Variants in GAB1 observed in about 807,000 individuals in gnomAD.
GAB1 encodes GRB2 associated binding protein 1.
Under a neutral mutation model 66.5 loss-of-function variants are expected in GAB1, and 19 were observed. The observed-to-expected ratio is 0.29, with a 90% CI of 0.20 to 0.42. The LOEUF (loss-of-function observed/expected upper bound fraction) is 0.42. Among genes scored for constraint, GAB1 ranks in the 10% least tolerant of loss-of-function variants. The probability of loss-of-function intolerance (pLI) is 1.00; values close to 1 mark genes in which losing one functional copy is unlikely to be tolerated. For missense variants in GAB1, 732 were observed against 858.5 expected, an observed-to-expected ratio of 0.85 and a Z score of 1.84; for synonymous variants, 294 against 301.4, an observed-to-expected ratio of 0.98 and a Z score of 0.25.
chr4:143,449,212 A>G (rs904645238), intron 6 of GAB1, among the ~76,000 whole-genome samples: 14 of 150,636 alleles, frequency 9.3e-5, no homozygotes, highest in African/African-American at 3.5e-4. Flanking sequence ...ACTTCCAACT[A>G]TGTGGTCAAT....
chr4:143,374,852 G>A (rs1044681934), intron 1 of GAB1, among the ~76,000 whole-genome samples: 1 of 152,148 alleles, frequency 6.6e-6, no homozygotes, highest in Non-Finnish European at 1.5e-5. Flanking sequence ...TTATTGCTTT[G>A]ACATCTGGCC....
At chr4:143,388,886 A>G (rs1400826104) in intron 1 of GAB1, among the ~76,000 whole-genome samples, 1 of 152,228 alleles carries the variant, frequency 6.6e-6, no homozygotes, top group Non-Finnish European at 1.5e-5. Context: ...TTCCTTGAAA[A>G]GCCAAGGCTG....
intron 1 of GAB1, among the ~76,000 whole-genome samples, chr4:143,356,556 G>A (rs1350369052): frequency 6.6e-6 from 1 of 152,092 alleles, no homozygotes; most frequent in Non-Finnish European, 1.5e-5. Context: ...GTATGCATTT[G>A]AGCAAAGCCC....
chr4:143,416,260 T>G (rs1203127424), intron 2 of GAB1, among the ~76,000 whole-genome samples: 1 of 151,824 alleles, frequency 6.6e-6, no homozygotes, highest in African/African-American at 2.4e-5. Context: ...AAAAAAAAAT[T>G]AGCCGGGCTT....
chr4:143,460,041 A>G lies in GAB1; in HGVS notation c.1680-323A>G, dbSNP rs13149730. 5.1e-3 allele frequency among the ~76,000 whole-genome samples: 740 copies of G among 144,400 alleles called. 6 individuals carry two copies. The highest frequency in any genetic ancestry group is 0.018 in the African/African-American group (713 of 40,248). 94.7% of individuals were successfully genotyped at this position (144,400 alleles called of 152,430 possible). ...TCATGTTTCGTGTGTGTGTGTGTGT[A>G]TATAGTTTTTAAAAAAATAGAAATT... On this transcript the variant is annotated intron_variant, in intron 7 of 9. Transcript: ENST00000262994.
chr4:143,388,809 T>C (rs1047716063), intron 1 of GAB1, among the ~76,000 whole-genome samples: 2 of 152,212 alleles, frequency 1.3e-5, no homozygotes, highest in Admixed American at 6.5e-5. Flanking sequence ...AAAAAAAATC[T>C]ATTTAACTGT....
At chr4:143,457,747 T>C in intron 6 of GAB1, 1 of 1,576,186 alleles carries the variant, frequency 6.3e-7, no homozygotes, top group Non-Finnish European at 8.6e-7. Flanking sequence ...AAACCATAGG[T>C]GACTTTGCTA....
intron 1 of GAB1, among the ~76,000 whole-genome samples, chr4:143,373,886 T>TATATATATA (rs1560726035): frequency 7.8e-6 from 1 of 128,274 alleles, no homozygotes; most frequent in African/African-American, 3.5e-5. Context: ...TATATATATA[T>TATATATATA]TTTTACCTTT....
rs1264865583 is a variant in GAB1, at chr4:143,473,064, A to G, written c.*3875A>G. 1 of 152,202 alleles carries G rather than the reference A, an allele frequency of 6.6e-6. No individual in the cohort carries two copies. The highest frequency in any genetic ancestry group is 2.4e-5 in the African/African-American group (1 of 41,454). 9.4% of individuals were successfully genotyped at this position (152,202 alleles called of 1,614,324 possible). A position where few individuals can be genotyped will look rare whatever the true frequency, so the allele number is the denominator to read the frequency against. ...TATAGACTTAATTTTATTCCGGTTC[A>G]GTATAATCTCTGTTAACAGAGTTTC... On this transcript the variant is annotated 3_prime_UTR_variant, in exon 10 of 10. Coordinates refer to ENST00000262994, the MANE Select transcript of GAB1 (RefSeq NM_002039.4).
chr4:143,451,333 G>A (rs915796981), intron 6 of GAB1, among the ~76,000 whole-genome samples: 4 of 151,990 alleles, frequency 2.6e-5, no homozygotes, highest in Admixed American at 1.3e-4. Context: ...GTAGGTGGGC[G>A]GGCAAAAAGG....
chr4:143,403,572 G>A (rs529701896), intron 1 of GAB1, among the ~76,000 whole-genome samples: 3 of 152,290 alleles, frequency 2.0e-5, no homozygotes, highest in African/African-American at 7.2e-5. Flanking sequence ...ATGAAGAATC[G>A]TTTTCCTCCA....
At chr4:143,338,712 GGT>G (rs56381817) in intron 1 of GAB1, among the ~76,000 whole-genome samples, 5 of 149,140 alleles carry the variant, frequency 3.4e-5, no homozygotes, top group Non-Finnish European at 4.4e-5. Context: ...GAAAGGTAGG[GGT>G]GTGTGTGTGT....
chr4:143,377,217 A>G (rs1229123816), intron 1 of GAB1, among the ~76,000 whole-genome samples: 1 of 152,170 alleles, frequency 6.6e-6, no homozygotes, highest in Non-Finnish European at 1.5e-5. Context: ...TAAGCCAAGT[A>G]CTATAAAAAG....
chr4:143,357,074 T>G (rs994794424), intron 1 of GAB1, among the ~76,000 whole-genome samples: 30 of 152,270 alleles, frequency 2.0e-4, no homozygotes, highest in African/African-American at 5.5e-4. Context: ...CTCAGCCTGT[T>G]TTTTTGTCTT....
chr4:143,346,052 A>G (rs1001262580), intron 1 of GAB1, among the ~76,000 whole-genome samples: 2 of 152,122 alleles, frequency 1.3e-5, no homozygotes, highest in Non-Finnish European at 2.9e-5. Flanking sequence ...TAACTTTTTA[A>G]ATGAGAGGAA....
At chr4:143,408,316 A>G (rs1430846873) in intron 1 of GAB1, among the ~76,000 whole-genome samples, 5 of 152,236 alleles carry the variant, frequency 3.3e-5, no homozygotes, top group Non-Finnish European at 4.4e-5. Flanking sequence ...AAATGGAAAC[A>G]TTTTGAAAAA....
At position 143,472,483 on chromosome 4, in the gene GAB1, C is replaced by A. The variant is rs1432574729; in HGVS notation, c.*3294C>A. On this transcript the variant is annotated 3_prime_UTR_variant, in exon 10 of 10. Transcript: ENST00000262994. ...TCTACTTATGGGAAGTTGTCTGCTTCCCCCTTTAGAGAAAACAGTATTTTT... is the reference window on the plus strand; with the variant it reads ...TCTACTTATGGGAAGTTGTCTGCTTACCCCTTTAGAGAAAACAGTATTTTT... 6.6e-6 allele frequency: 1 copy of A among 152,136 alleles called. No homozygotes were observed. Among genetic ancestry groups the A allele is most frequent in the African/African-American group, 2.4e-5 (1 of 41,424 alleles). 9.4% of individuals were successfully genotyped at this position (152,136 alleles called of 1,614,324 possible). A position where few individuals can be genotyped will look rare whatever the true frequency, so the allele number is the denominator to read the frequency against.
intron 6 of GAB1, among the ~76,000 whole-genome samples, chr4:143,452,426 G>T (rs1027763306): frequency 1.5e-4 from 23 of 152,100 alleles, no homozygotes; most frequent in Non-Finnish European, 8.8e-5. Flanking sequence ...TTTCTAGTTA[G>T]CGTGTTTTCA....
At chr4:143,348,515 T>G (rs1490978614) in intron 1 of GAB1, among the ~76,000 whole-genome samples, 2 of 152,234 alleles carry the variant, frequency 1.3e-5, no homozygotes, top group Admixed American at 1.3e-4. Flanking sequence ...GTATCTTGAT[T>G]TATTGGCCAC....
Sources: allele counts gnomAD v4.1 joint callset (sites outside exome capture counted in the v4.1 genomes callset), GRCh38; gene constraint gnomAD v4.1.1; transcripts MANE v1.5; gene names NCBI Gene and HGNC (gene_info 2026-07-23, HGNC 2026-07-21).